The following TRAPPC9 variants were observed in gnomAD, a reference collection of about 807,000 sequenced individuals.
The protein encoded by TRAPPC9 is trafficking protein particle complex subunit 9.
TRAPPC9 carries 83 observed loss-of-function variants against 124.0 expected under a neutral mutation model. That is an observed-to-expected ratio of 0.67 (90% CI 0.56 to 0.80). The LOEUF is 0.80. Among genes scored for constraint, TRAPPC9 ranks in the 30% least tolerant of loss-of-function variants. TRAPPC9 has a pLI of 0.00. For synonymous variants in TRAPPC9, 638 were observed against 617.5 expected (o/e 1.03, Z -0.49); for missense variants, 1,302 against 1,508.3 (o/e 0.86, Z 2.27).
intron 18 of TRAPPC9, among the ~76,000 whole-genome samples, chr8:140,002,173 A>T (rs1000309234): frequency 3.9e-5 from 6 of 151,962 alleles, no homozygotes; most frequent in African/African-American, 1.4e-4. Context: ...TACTCAACAA[A>T]TTTTTTGATA....
chr8:140,427,215 A>C (rs1213803787), intron 4 of TRAPPC9, among the ~76,000 whole-genome samples: 3 of 152,002 alleles, frequency 2.0e-5, no homozygotes, highest in African/African-American at 7.3e-5. Context: ...TTCTTAAACA[A>C]GTATGACAAT....
In TRAPPC9 at chr8:140,410,581, C is replaced by T. The variant is rs190937917; in HGVS notation, c.887-4883G>A. 2.2e-4 allele frequency among the ~76,000 whole-genome samples: 33 copies of T among 152,244 alleles called. 1 individual carries two copies. The East Asian group carries it at 4.4e-3, about 21-fold the overall frequency. On this transcript the variant is annotated intron_variant, in intron 5 of 22. Transcript: ENST00000438773. Reference sequence around the variant, plus strand: ...AAAAAAGGCCGGGCGCAGTGGCTCACGCCTGTAATCCCAGCACTTCGGAAG... The same window carrying T: ...AAAAAAGGCCGGGCGCAGTGGCTCATGCCTGTAATCCCAGCACTTCGGAAG...
chr8:139,812,482 C>G (rs2130751156), intron 21 of TRAPPC9, among the ~76,000 whole-genome samples: 1 of 152,280 alleles, frequency 6.6e-6, no homozygotes, highest in South Asian at 2.1e-4. Flanking sequence ...CCTAAGGAAA[C>G]AGTTTAGCAT....
intron 6 of TRAPPC9, among the ~76,000 whole-genome samples, chr8:140,403,769 A>G (rs964164098): frequency 2.0e-5 from 3 of 151,374 alleles, no homozygotes; most frequent in Non-Finnish European, 4.4e-5. Context: ...GTGATTCTTG[A>G]GCCTCAGCCT....
chr8:140,252,494 C>A lies in TRAPPC9; in HGVS notation c.2431+283G>T. On this transcript the variant is annotated intron_variant, in intron 16 of 22. Coordinates refer to ENST00000438773, the MANE Select transcript of TRAPPC9 (RefSeq NM_001160372.4). This position sits in a 1 kb window ranked among gnomAD's most constrained non-coding sequence, Gnocchi z 4.2. The stretch of plus-strand genomic sequence containing the variant: ...CACAGCAGTTATACTTGAAAAAACG[C>A]AGTAATTCCTACATTCCACTAATTT... The A allele has an allele frequency of 2.4e-6, 1 of 410,232 alleles. No individual in the cohort carries two copies. Among genetic ancestry groups the A allele is most frequent in the Non-Finnish European group, 4.5e-6 (1 of 223,862 alleles). 25.4% of individuals were successfully genotyped at this position (410,232 alleles called of 1,614,324 possible).
At chr8:140,115,575 CTA>C (rs1449945759) in intron 17 of TRAPPC9, among the ~76,000 whole-genome samples, 1 of 152,054 alleles carries the variant, frequency 6.6e-6, no homozygotes, top group Non-Finnish European at 1.5e-5. Context: ...CCATTATACT[CTA>C]TTTTTTTGGT....
intron 21 of TRAPPC9, among the ~76,000 whole-genome samples, chr8:139,827,833 T>C (rs1214134064): frequency 6.6e-6 from 1 of 152,198 alleles, no homozygotes; most frequent in South Asian, 2.1e-4. Flanking sequence ...TACTGGCATC[T>C]GCTCAGCTTC....
intron 20 of TRAPPC9, among the ~76,000 whole-genome samples, chr8:139,909,380 C>G (rs570350399): frequency 6.6e-6 from 1 of 152,346 alleles, no homozygotes; most frequent in East Asian, 1.9e-4. Flanking sequence ...ACCCAGTGGC[C>G]TCTGAACCTG....
intron 21 of TRAPPC9, among the ~76,000 whole-genome samples, chr8:139,791,850 G>A (rs1349335391): frequency 6.6e-6 from 1 of 152,180 alleles, no homozygotes; most frequent in African/African-American, 2.4e-5. Context: ...ATGGGATGCG[G>A]CTCCGCAACC....
intron 15 of TRAPPC9, among the ~76,000 whole-genome samples, chr8:140,256,400 C>T (rs2064260432): frequency 6.6e-6 from 1 of 152,236 alleles, no homozygotes; most frequent in African/African-American, 2.4e-5. Flanking sequence ...TTTCTTCCCA[C>T]TCCTTCAGAA....
intron 19 of TRAPPC9, among the ~76,000 whole-genome samples, chr8:139,987,785 G>A (rs1449966745): frequency 6.6e-6 from 1 of 152,342 alleles, no homozygotes; most frequent in Admixed American, 6.5e-5. Flanking sequence ...GGGCCACTGA[G>A]GGGCTCCGCC....
chr8:139,769,227 C>T (rs928110352), intron 21 of TRAPPC9, among the ~76,000 whole-genome samples: 5 of 152,292 alleles, frequency 3.3e-5, no homozygotes, highest in Middle Eastern at 3.4e-3. Context: ...GTTTTTTCCT[C>T]GACATACATA....
chr8:140,454,030 T>C (rs1401440367), intron 1 of TRAPPC9, among the ~76,000 whole-genome samples: 1 of 152,194 alleles, frequency 6.6e-6, no homozygotes, highest in African/African-American at 2.4e-5. Flanking sequence ...GGCTCACACC[T>C]GTAATCCCAA....
At chr8:139,978,314 GC>G (rs1174821567) in intron 19 of TRAPPC9, among the ~76,000 whole-genome samples, 1 of 152,262 alleles carries the variant, frequency 6.6e-6, no homozygotes, top group Admixed American at 6.5e-5. Context: ...TTGAGACATA[GC>G]CATTTCTTGA....
intron 15 of TRAPPC9, among the ~76,000 whole-genome samples, chr8:140,272,021 GGTGGCAGTGGTA>G (rs2064906249): frequency 8.6e-5 from 13 of 150,322 alleles, no homozygotes; most frequent in Admixed American, 7.3e-4. Context: ...GACGGGTGAT[GGTGGCAGTGGTA>G]ATGGTGGTGG....
chr8:140,115,639 A>G (rs2060868065), intron 17 of TRAPPC9, among the ~76,000 whole-genome samples: 1 of 151,674 alleles, frequency 6.6e-6, no homozygotes, highest in African/African-American at 2.4e-5. Flanking sequence ...GCCTGAATCT[A>G]AGGATGTGGA....
At chr8:140,263,690 C>A (rs1334685745) in intron 15 of TRAPPC9, among the ~76,000 whole-genome samples, 2 of 152,160 alleles carry the variant, frequency 1.3e-5, no homozygotes, top group Admixed American at 1.3e-4. Context: ...GGACAATGGT[C>A]ACAGACACAA....
At chr8:140,344,568 G>A (rs2132078075) in intron 9 of TRAPPC9, among the ~76,000 whole-genome samples, 1 of 152,328 alleles carries the variant, frequency 6.6e-6, no homozygotes, top group African/African-American at 2.4e-5. Context: ...AGAAGGGTGG[G>A]CGTTTGGCTC....
intron 21 of TRAPPC9, among the ~76,000 whole-genome samples, chr8:139,774,966 TATC>T (rs901010220): frequency 6.6e-6 from 1 of 152,188 alleles, no homozygotes; most frequent in African/African-American, 2.4e-5. Context: ...GCCCGGATGG[TATC>T]ATGTCGCCTC....
Sources: allele counts gnomAD v4.1 joint callset (sites outside exome capture counted in the v4.1 genomes callset), GRCh38; gene constraint gnomAD v4.1.1; non-coding constraint Gnocchi (gnomAD v3.1); transcripts MANE v1.5; gene names NCBI Gene and HGNC (gene_info 2026-07-23, HGNC 2026-07-21).